The following OTULINL variants were observed in gnomAD, a reference collection of about 807,000 sequenced individuals.
OTULINL encodes OTU deubiquitinase with linear linkage specificity like.
OTULINL carries 42 observed loss-of-function variants against 43.9 expected under a neutral mutation model. The observed-to-expected ratio is 0.96, with a 90% CI of 0.75 to 1.24. The LOEUF (loss-of-function observed/expected upper bound fraction) is 1.24, where lower values mean the gene tolerates loss of function less well. Ranked by LOEUF, OTULINL falls within the 50% of genes most tolerant of loss-of-function variation. The pLI is 0.00. For missense variants in OTULINL, 411 were observed against 426.4 expected (o/e 0.96, Z 0.32); for synonymous variants, 172 against 153.6 (o/e 1.12, Z -0.88).
At chr5:14,595,056 AT>A (rs1211854185) in intron 1 of OTULINL, among the ~76,000 whole-genome samples, 2 of 152,264 alleles carry the variant, frequency 1.3e-5, no homozygotes, top group East Asian at 3.9e-4. Flanking sequence ...TAGCCAGGTG[AT>A]TTCACTGTAT....
intron 7 of OTULINL, 44 bp downstream of exon 7, chr5:14,609,061 G>C: frequency 6.3e-7 from 1 of 1,576,234 alleles, no homozygotes; most frequent in Non-Finnish European, 8.6e-7. Context: ...TAAGGATGCT[G>C]TGGCACTATT....
At chr5:14,593,504 G>C (rs994756458) in intron 1 of OTULINL, among the ~76,000 whole-genome samples, 1 of 152,200 alleles carries the variant, frequency 6.6e-6, no homozygotes, top group African/African-American at 2.4e-5. Context: ...GGCTGAGGAG[G>C]CCTGTGTGGT....
Position 14,614,867 on chromosome 5 carries a change from A to C in OTULINL, c.*4553A>C. ...GTATGTAATTGACGTATTGGTCCTT[A>C]TAGTCAGTACCATCAGGTCTTAGAT... On this transcript the variant is annotated 3_prime_UTR_variant, in exon 8 of 8. Transcript: ENST00000274217. 1 of 397,648 alleles carries C rather than the reference A, an allele frequency of 2.5e-6. No homozygotes were observed. Among genetic ancestry groups the C allele is most frequent in the Non-Finnish European group, 4.4e-6 (1 of 225,942 alleles). The allele number at this position is 397,648 out of a possible 1,614,324, so 24.6% of individuals were successfully genotyped here.
At position 14,608,845 on chromosome 5, in the gene OTULINL, C is replaced by CT. The variant is rs1560968352; in HGVS notation, c.728dup (p.Leu243PhefsTer11). The stretch of plus-strand genomic sequence containing the variant: ...ATTCTGGAATATAAACTTTATGAAG[C>CT]TTTAAAGTTCATCATGCTGTATCAA... On this transcript the variant is annotated frameshift_variant, in exon 7 of 8. Transcript: ENST00000274217. LOFTEE classifies it high-confidence loss of function. 1.2e-5 allele frequency: 19 copies of CT among 1,613,808 alleles called. No homozygotes were observed. Among genetic ancestry groups the CT allele is most frequent in the Non-Finnish European group, 1.6e-5 (19 of 1,179,760 alleles).
rs1164011665 is a variant in OTULINL, at chr5:14,610,354, T to C, written c.*40T>C. 1 of 1,589,312 alleles carries C rather than the reference T, an allele frequency of 6.3e-7. No homozygotes were observed. Among genetic ancestry groups the C allele is most frequent in the Non-Finnish European group, 8.6e-7 (1 of 1,164,954 alleles). ...GAACAGCAGTGCTCACCAGTGACGG[T>C]GGTCACAGTTGCAATAAAGTCTCTC... On this transcript the variant is annotated 3_prime_UTR_variant, in exon 8 of 8. Coordinates refer to ENST00000274217, the MANE Select transcript of OTULINL (RefSeq NM_019018.3).
chr5:14,599,253 C>G (rs942526066), intron 1 of OTULINL, among the ~76,000 whole-genome samples: 3 of 152,272 alleles, frequency 2.0e-5, no homozygotes, highest in Admixed American at 2.0e-4. Flanking sequence ...CTTTGGGAGG[C>G]TGAGGTGGGC....
At chr5:14,591,249 G>A (rs1033220552) in intron 1 of OTULINL, among the ~76,000 whole-genome samples, 3 of 152,194 alleles carry the variant, frequency 2.0e-5, no homozygotes, top group Non-Finnish European at 4.4e-5. Flanking sequence ...ACATGATCTG[G>A]ATAATCCTTT....
intron 1 of OTULINL, among the ~76,000 whole-genome samples, chr5:14,595,091 G>A (rs965354848): frequency 2.6e-5 from 4 of 152,176 alleles, no homozygotes; most frequent in South Asian, 2.1e-4. Context: ...CTTTCTCTGC[G>A]ACCTCAGACA....
At chr5:14,605,552 T>G (rs537729200) in intron 5 of OTULINL, among the ~76,000 whole-genome samples, 4 of 152,342 alleles carry the variant, frequency 2.6e-5, no homozygotes, top group African/African-American at 9.6e-5. Flanking sequence ...AAAATGAGAT[T>G]TTCTTTCCTA....
chr5:14,602,643 C>G (rs1298852591), intron 5 of OTULINL, among the ~76,000 whole-genome samples: 2 of 152,110 alleles, frequency 1.3e-5, no homozygotes, highest in Admixed American at 6.6e-5. Context: ...TCCGTGTTGC[C>G]CAGGCTGGTC....
chr5:14,588,540 C>T (rs1190577602), intron 1 of OTULINL, among the ~76,000 whole-genome samples: 12 of 152,162 alleles, frequency 7.9e-5, no homozygotes, highest in Admixed American at 7.8e-4. Flanking sequence ...CAGAAGGGAC[C>T]ACCAGGATAG....
intron 5 of OTULINL, among the ~76,000 whole-genome samples, chr5:14,604,265 T>A (rs921041967): frequency 6.6e-6 from 1 of 152,130 alleles, no homozygotes; most frequent in Non-Finnish European, 1.5e-5. Context: ...CCCTAGGAGT[T>A]TAAGGTTACA....
chr5:14,589,327 C>G (rs1180297399), intron 1 of OTULINL, among the ~76,000 whole-genome samples: 1 of 152,102 alleles, frequency 6.6e-6, no homozygotes, highest in African/African-American at 2.4e-5. Context: ...GTGGAATGAA[C>G]TAGGGCATGG....
intron 1 of OTULINL, among the ~76,000 whole-genome samples, chr5:14,582,439 G>T (rs1018300446): frequency 6.6e-6 from 1 of 152,024 alleles, no homozygotes; most frequent in Non-Finnish European, 1.5e-5. Flanking sequence ...AGAGGATGTG[G>T]CGCACACCTT....
rs780549190 is a variant in OTULINL at position 14,601,445 on chromosome 5, G to A, written c.348+3G>A. The A allele has an allele frequency of 3.1e-6, 5 of 1,612,598 alleles. No homozygotes were observed. Among genetic ancestry groups the A allele is most frequent in the Non-Finnish European group, 4.2e-6 (5 of 1,178,860 alleles). On this transcript the variant is annotated splice_donor_region_variant and intron_variant, in intron 4 of 7. Coordinates refer to ENST00000274217, the MANE Select transcript of OTULINL (RefSeq NM_019018.3). ...CCCGTAACAAGCTGATGAGGAAGGT[G>A]TGTCTGTTTTTAGAGGGTATGGGAG...
intron 1 of OTULINL, among the ~76,000 whole-genome samples, chr5:14,584,974 A>G (rs532927172): frequency 2.0e-5 from 3 of 152,306 alleles, no homozygotes; most frequent in Admixed American, 2.0e-4. Flanking sequence ...AGGCAGATGG[A>G]ACTGTTAATA....
In OTULINL at chr5:14,601,161, C is replaced by G. The variant is rs756931786; in HGVS notation, c.224+37C>G. The G allele has an allele frequency of 5.6e-6, 9 of 1,611,482 alleles. No homozygotes were observed. The African/African-American group carries it at 1.1e-4, about 19-fold the overall frequency. ...TATCATCCTTAAATTTCAAATGTAT[C>G]TTTACTATTCAAAGCAGAATTCTGA... is the stretch of plus-strand genomic sequence containing the variant. On this transcript the variant is annotated intron_variant, in intron 2 of 7. Transcript: ENST00000274217.
chr5:14,595,306 A>G (rs773441960), intron 1 of OTULINL, among the ~76,000 whole-genome samples: 1 of 152,138 alleles, frequency 6.6e-6, no homozygotes, highest in African/African-American at 2.4e-5. Flanking sequence ...GGAAGTAGAC[A>G]AGGTTGAGGA....
chr5:14,586,917 G>A (rs73752130), intron 1 of OTULINL, among the ~76,000 whole-genome samples: 24 of 151,640 alleles, frequency 1.6e-4, no homozygotes, highest in Non-Finnish European at 2.2e-4. Flanking sequence ...CTGTACCCAC[G>A]ACAGTGGAGA....
Sources: allele counts gnomAD v4.1 joint callset (sites outside exome capture counted in the v4.1 genomes callset), GRCh38; gene constraint gnomAD v4.1.1; transcripts MANE v1.5; gene names NCBI Gene and HGNC (gene_info 2026-07-23, HGNC 2026-07-21).